Variants in ANKFN1 observed in about 807,000 individuals in gnomAD.
ANKFN1 encodes ankyrin repeat and fibronectin type-III domain-containing protein 1.
Under a neutral mutation model 108.7 loss-of-function variants are expected in ANKFN1, and 74 were observed. The observed-to-expected ratio is 0.68, with a 90% CI of 0.56 to 0.83. The LOEUF (loss-of-function observed/expected upper bound fraction) is 0.83, where lower values mean the gene tolerates loss of function less well. ANKFN1 is among the 40% of genes least tolerant of loss of function. ANKFN1 has a pLI of 0.00. For missense variants in ANKFN1, 1,505 were observed against 1,382.3 expected (o/e 1.09, Z -1.41); for synonymous variants, 547 against 516.2 (o/e 1.06, Z -0.81).
chr17:56,190,614 A>T (rs1394403582), intron 1 of ANKFN1, among the ~76,000 whole-genome samples: 1 of 84,890 alleles, frequency 1.2e-5, no homozygotes, highest in African/African-American at 5.3e-5. Flanking sequence ...ACATTTGCTG[A>T]GGAGAGCTTT....
At chr17:56,228,985 G>A (rs1055765596) in intron 3 of ANKFN1, among the ~76,000 whole-genome samples, 2 of 152,046 alleles carry the variant, frequency 1.3e-5, no homozygotes, top group East Asian at 1.9e-4. Context: ...TTCAGTTCCT[G>A]AGAAGATTAT....
At chr17:56,275,935 A>G (rs2043919446) in intron 3 of ANKFN1, among the ~76,000 whole-genome samples, 1 of 152,188 alleles carries the variant, frequency 6.6e-6, no homozygotes, top group Non-Finnish European at 1.5e-5. Context: ...ATAGGTATAC[A>G]TGTGTCATGT....
chr17:56,100,267 A>G (rs1355430151), intron 4 of ANKFN1, among the ~76,000 whole-genome samples: 1 of 152,160 alleles, frequency 6.6e-6, no homozygotes, highest in African/African-American at 2.4e-5. Flanking sequence ...AGATATGGAA[A>G]ATGAGATTGT....
chr17:56,471,719 T>C (rs1036969572), intron 15 of ANKFN1: 99 of 152,220 alleles, frequency 6.5e-4, no homozygotes, highest in Admixed American at 6.4e-3. Context: ...TTAAAATGAA[T>C]CACATATGAT....
chr17:56,401,946 A>T (rs1055759174), intron 8 of ANKFN1, among the ~76,000 whole-genome samples: 5 of 152,112 alleles, frequency 3.3e-5, no homozygotes, highest in Non-Finnish European at 7.4e-5. Flanking sequence ...ATCTATTAAG[A>T]TTATCATGTG....
intron 8 of ANKFN1, among the ~76,000 whole-genome samples, chr17:56,380,646 C>G (rs1438848905): frequency 6.6e-6 from 1 of 152,222 alleles, no homozygotes; most frequent in Non-Finnish European, 1.5e-5. Flanking sequence ...CCACACATGG[C>G]TCAGAGGGTC....
chr17:56,227,989 A>G lies in ANKFN1; in HGVS notation c.53+32A>G, dbSNP rs200673676. On this transcript the variant is annotated intron_variant, in intron 3 of 20. Coordinates refer to ENST00000682825, the MANE Select transcript of ANKFN1 (RefSeq NM_001370326.1). ...ACATTTCCTCCTTGAAATGGTATCT[A>G]CTTCTCAGCTGTAATTCCTAAAGCC... 499 of 1,579,538 alleles carry G rather than the reference A, an allele frequency of 3.2e-4. 4 individuals carry two copies. Among genetic ancestry groups the G allele is most frequent in the Middle Eastern group, 3.3e-4 (2 of 5,986 alleles).
intron 8 of ANKFN1, among the ~76,000 whole-genome samples, chr17:56,409,080 A>G (rs1278333869): frequency 5.4e-5 from 6 of 110,792 alleles, no homozygotes; most frequent in African/African-American, 1.7e-4. Flanking sequence ...GCCTGCCACC[A>G]TGCCCAGCTA....
intron 4 of ANKFN1, among the ~76,000 whole-genome samples, chr17:56,061,747 T>G (rs1386548402): frequency 6.6e-6 from 1 of 152,218 alleles, no homozygotes; most frequent in Non-Finnish European, 1.5e-5. Flanking sequence ...TTTTTCATAC[T>G]CTATCTCCTT....
chr17:56,188,737 G>C (rs953268243), intron 1 of ANKFN1, among the ~76,000 whole-genome samples: 4 of 151,194 alleles, frequency 2.6e-5, no homozygotes, highest in African/African-American at 7.3e-5. Flanking sequence ...TCTCTGACCT[G>C]GTCTTTGACA....
At chr17:56,288,454 A>C (rs1598356822) in intron 3 of ANKFN1, among the ~76,000 whole-genome samples, 1 of 151,948 alleles carries the variant, frequency 6.6e-6, no homozygotes, top group South Asian at 2.1e-4. Context: ...TGCCACGTGA[A>C]TGTCTCTTTA....
At chr17:56,362,683 C>A (rs7226239) in intron 6 of ANKFN1, among the ~76,000 whole-genome samples, 115,222 of 152,040 alleles carry the variant, frequency 0.76, 43,835 homozygotes, top group East Asian at 0.96. Flanking sequence ...ACATGACATT[C>A]GTCCAGGCAA....
chr17:56,314,362 G>A (rs1489152538), intron 3 of ANKFN1, among the ~76,000 whole-genome samples: 1 of 152,068 alleles, frequency 6.6e-6, no homozygotes, highest in East Asian at 1.9e-4. Context: ...TTCTCCAAAG[G>A]TATACCATTT....
intron 1 of ANKFN1, among the ~76,000 whole-genome samples, chr17:56,157,605 C>G (rs72829756): frequency 6.6e-6 from 1 of 152,328 alleles, no homozygotes; most frequent in Non-Finnish European, 1.5e-5. Flanking sequence ...GCCTGGCACT[C>G]AAGAAGCTCA....
intron 4 of ANKFN1, among the ~76,000 whole-genome samples, chr17:56,053,669 G>A (rs1904816301): frequency 6.6e-6 from 1 of 152,152 alleles, no homozygotes; most frequent in African/African-American, 2.4e-5. Flanking sequence ...TATATACCCA[G>A]CAGTGGGATT....
intron 8 of ANKFN1, among the ~76,000 whole-genome samples, chr17:56,393,599 T>C (rs919050916): frequency 1.1e-4 from 17 of 152,216 alleles, no homozygotes; most frequent in African/African-American, 4.1e-4. Context: ...GCAAAAATTC[T>C]GTGTAAAAGC....
chr17:56,150,256 T>A (rs1908517167), upstream of ANKFN1, among the ~76,000 whole-genome samples: 1 of 152,228 alleles, frequency 6.6e-6, no homozygotes, highest in Non-Finnish European at 1.5e-5. Context: ...ACACTTGGAA[T>A]CAACATGATT....
chr17:56,385,942 G>A (rs1043162237), intron 8 of ANKFN1, among the ~76,000 whole-genome samples: 3 of 151,970 alleles, frequency 2.0e-5, no homozygotes, highest in African/African-American at 7.2e-5. Flanking sequence ...AACTAGAAAT[G>A]CCATTTGACC....
chr17:56,271,170 G>A (rs948322216), intron 3 of ANKFN1, among the ~76,000 whole-genome samples: 4 of 151,874 alleles, frequency 2.6e-5, no homozygotes, highest in African/African-American at 9.7e-5. Flanking sequence ...ACCACACCCA[G>A]CTAATATTTT....
Sources: gnomAD v4.1 joint callset for allele counts (sites outside exome capture counted in the v4.1 genomes callset) on GRCh38, gnomAD v4.1.1 for gene constraint, MANE v1.5 for transcripts, NCBI Gene and HGNC (gene_info 2026-07-23, HGNC 2026-07-21) for gene names.